Variants in B3GALT1 observed in about 807,000 individuals in gnomAD.
The protein encoded by B3GALT1 is UDP-Gal:betaGlcNAc beta 1,3-galactosyltransferase, polypeptide 1.
In B3GALT1, 10 loss-of-function variants were observed where a neutral mutation model predicts 23.2. The observed-to-expected ratio is 0.43, with a 90% CI of 0.27 to 0.73. The LOEUF is 0.73. Among genes scored for constraint, B3GALT1 ranks in the 30% least tolerant of loss-of-function variants. The pLI is 0.21. For missense variants in B3GALT1, 299 were observed against 405.4 expected (o/e 0.74, Z 2.25); for synonymous variants, 156 against 141.5 (o/e 1.10, Z -0.73).
intron 1 of B3GALT1, among the ~76,000 whole-genome samples, chr2:167,380,332 G>A (rs2105275650): frequency 6.6e-6 from 1 of 152,320 alleles, no homozygotes; most frequent in Non-Finnish European, 1.5e-5. Flanking sequence ...CGATGGCACA[G>A]GCAGCTCAGT....
rs140064877 is a variant in B3GALT1, at chr2:167,381,947, A to T, written c.-511+88613A>T. Among the ~76,000 whole-genome samples, 42 of 152,290 alleles carry T rather than the reference A, an allele frequency of 2.8e-4. 2 individuals carry two copies. The East Asian group carries it at 7.9e-3, about 29-fold the overall frequency. On this transcript the variant is annotated intron_variant, in intron 1 of 4. Transcript: ENST00000392690. ...CGAGATCCTTTTACATTTGGATCGGATATATTGGGCATAACCTACTACTTC... is the reference window on the plus strand; with the variant it reads ...CGAGATCCTTTTACATTTGGATCGGTTATATTGGGCATAACCTACTACTTC...
At chr2:167,537,312 C>T (rs775770505) in intron 2 of B3GALT1, among the ~76,000 whole-genome samples, 6 of 152,094 alleles carry the variant, frequency 3.9e-5, no homozygotes, top group Non-Finnish European at 7.4e-5. Context: ...CTGGCCCCTC[C>T]CTTGACACAT....
At chr2:167,780,039 C>T (rs1283885679) in intron 3 of B3GALT1, among the ~76,000 whole-genome samples, 3 of 152,146 alleles carry the variant, frequency 2.0e-5, no homozygotes, top group African/African-American at 7.2e-5. Flanking sequence ...TTTTACTGCC[C>T]ATATCACAAA....
intron 2 of B3GALT1, among the ~76,000 whole-genome samples, chr2:167,606,454 T>C (rs1473727221): frequency 6.6e-6 from 1 of 152,208 alleles, no homozygotes; most frequent in Non-Finnish European, 1.5e-5. Flanking sequence ...AGTTTCAGAT[T>C]CTGTTATTTA....
chr2:167,852,320 C>T (rs1458365531), intron 4 of B3GALT1, among the ~76,000 whole-genome samples: 2 of 152,148 alleles, frequency 1.3e-5, no homozygotes, highest in African/African-American at 4.8e-5. Flanking sequence ...TGACCTACCA[C>T]AACAGCAAAT....
At chr2:167,426,632 G>A (rs1473233479) in intron 1 of B3GALT1, among the ~76,000 whole-genome samples, 1 of 152,140 alleles carries the variant, frequency 6.6e-6, no homozygotes, top group East Asian at 1.9e-4. Context: ...CCAGCACATT[G>A]CCTGGAACAT....
At chr2:167,634,474 G>T (rs1400489994) in intron 2 of B3GALT1, among the ~76,000 whole-genome samples, 1 of 152,022 alleles carries the variant, frequency 6.6e-6, no homozygotes, top group African/African-American at 2.4e-5. Context: ...AAGAAGAAAA[G>T]AGAGAAGAAT....
At chr2:167,835,388 C>T (rs887279437) in intron 4 of B3GALT1, among the ~76,000 whole-genome samples, 9 of 152,240 alleles carry the variant, frequency 5.9e-5, no homozygotes, top group African/African-American at 2.2e-4. Flanking sequence ...ATATCCTGCA[C>T]CTGGCTTGGA....
intron 3 of B3GALT1, among the ~76,000 whole-genome samples, chr2:167,665,865 T>C (rs1396708607): frequency 6.6e-6 from 1 of 152,200 alleles, no homozygotes; most frequent in Non-Finnish European, 1.5e-5. Flanking sequence ...TTTTCTTTAT[T>C]GGTCTTGCTA....
intron 1 of B3GALT1, among the ~76,000 whole-genome samples, chr2:167,320,717 A>G (rs1574031358): frequency 1.3e-5 from 2 of 152,120 alleles, no homozygotes; most frequent in South Asian, 2.1e-4. Flanking sequence ...TCATTTGGCT[A>G]TATTTTAAGA....
intron 2 of B3GALT1, among the ~76,000 whole-genome samples, chr2:167,575,047 G>A (rs1684357680): frequency 6.6e-6 from 1 of 151,580 alleles, no homozygotes; most frequent in Non-Finnish European, 1.5e-5. Flanking sequence ...CTATTTACTG[G>A]CTTTACAACT....
chr2:167,799,023 C>T (rs836674), intron 3 of B3GALT1, among the ~76,000 whole-genome samples: 121,096 of 152,150 alleles, frequency 0.8, 48,985 homozygotes, highest in African/African-American at 0.94. Flanking sequence ...TGAGTTTTCA[C>T]ATATTCAGAG....
At chr2:167,678,387 A>G (rs549660841) in intron 3 of B3GALT1, among the ~76,000 whole-genome samples, 2 of 152,164 alleles carry the variant, frequency 1.3e-5, no homozygotes, top group Non-Finnish European at 2.9e-5. Flanking sequence ...AAGCTAAACA[A>G]TTTCCCAAAG....
chr2:167,863,499 G>A (rs990399606), intron 4 of B3GALT1, among the ~76,000 whole-genome samples: 1 of 152,084 alleles, frequency 6.6e-6, no homozygotes, highest in Non-Finnish European at 1.5e-5. Context: ...AGATTTATTT[G>A]TGCCCTCTCT....
chr2:167,578,652 G>GGGTTCT (rs1684426372), intron 2 of B3GALT1, among the ~76,000 whole-genome samples: 1 of 151,860 alleles, frequency 6.6e-6, no homozygotes, highest in African/African-American at 2.4e-5. Flanking sequence ...GTTCTAATAA[G>GGGTTCT]ATGTTCTAAT....
At chr2:167,517,445 A>G (rs906592606) in intron 2 of B3GALT1, among the ~76,000 whole-genome samples, 1 of 152,002 alleles carries the variant, frequency 6.6e-6, no homozygotes, top group South Asian at 2.1e-4. Context: ...ATTATACTGA[A>G]CTGATTTCTA....
At chr2:167,497,887 CT>C (rs1699800946) in intron 2 of B3GALT1, among the ~76,000 whole-genome samples, 1 of 151,622 alleles carries the variant, frequency 6.6e-6, no homozygotes, top group African/African-American at 2.4e-5. Context: ...AAAATCTGTA[CT>C]TTTAAGAATT....
intron 2 of B3GALT1, among the ~76,000 whole-genome samples, chr2:167,533,082 A>G (rs1322998410): frequency 6.6e-6 from 1 of 151,182 alleles, no homozygotes; most frequent in Non-Finnish European, 1.5e-5. Flanking sequence ...GCTGGTCTCG[A>G]ACACTTGACA....
chr2:167,609,903 T>C (rs983943733), intron 2 of B3GALT1, among the ~76,000 whole-genome samples: 3 of 152,078 alleles, frequency 2.0e-5, no homozygotes, highest in Non-Finnish European at 4.4e-5. Flanking sequence ...GCGAAGGTAT[T>C]GTGGGGCTAA....
Sources: allele counts gnomAD v4.1 joint callset (sites outside exome capture counted in the v4.1 genomes callset), GRCh38; gene constraint gnomAD v4.1.1; transcripts MANE v1.5; gene names NCBI Gene and HGNC (gene_info 2026-07-23, HGNC 2026-07-21).